Variants in POFUT1 observed in about 807,000 individuals in gnomAD.
POFUT1 encodes protein O-fucosyltransferase 1, also known as GDP-fucose protein O-fucosyltransferase 1.
Under a neutral mutation model 42.4 loss-of-function variants are expected in POFUT1, and 16 were observed. That is an observed-to-expected ratio of 0.38 (90% CI 0.26 to 0.57). The LOEUF (loss-of-function observed/expected upper bound fraction) is 0.57, where lower values mean the gene tolerates loss of function less well. Ranked by LOEUF, POFUT1 falls within the 20% of genes least tolerant of loss-of-function variation. POFUT1 has a pLI of 0.71. For synonymous variants in POFUT1, 206 were observed against 205.4 expected (o/e 1.00, Z -0.03); for missense variants, 470 against 504.6 (o/e 0.93, Z 0.66).
chr20:32,222,858 G>T (rs531435897), intron 4 of POFUT1: 2 of 985,404 alleles, frequency 2.0e-6, no homozygotes, highest in Non-Finnish European at 1.2e-6. Context: ...GAATTTGAGC[G>T]CATGGCTTGT....
chr20:32,223,858 T>C, intron 4 of POFUT1: 1 of 209,986 alleles, frequency 4.8e-6, no homozygotes, highest in Non-Finnish European at 8.3e-6. Context: ...GAACATAGGA[T>C]CTGGAGCACA....
intron 6 of POFUT1, 22 bp downstream of exon 6, chr20:32,231,083 G>A (rs2047441441): frequency 6.2e-7 from 1 of 1,613,500 alleles, no homozygotes; most frequent in African/African-American, 1.3e-5. Context: ...CCAAGTGGGA[G>A]TGCAGTAGGA....
intron 4 of POFUT1, chr20:32,223,447 C>T: frequency 1.0e-6 from 1 of 985,332 alleles, no homozygotes; most frequent in Non-Finnish European, 1.2e-6. Context: ...ACACACATTC[C>T]AAGTCTGGAA....
At chr20:32,214,682 G>A (rs1330186810) in intron 2 of POFUT1, among the ~76,000 whole-genome samples, 1 of 152,092 alleles carries the variant, frequency 6.6e-6, no homozygotes, top group East Asian at 1.9e-4. Context: ...GCTGTGAATT[G>A]TTTACCCCTA....
intron 6 of POFUT1, among the ~76,000 whole-genome samples, chr20:32,233,116 G>T (rs1034658545): frequency 6.6e-6 from 1 of 152,222 alleles, no homozygotes; most frequent in Non-Finnish European, 1.5e-5. Context: ...GCCAGCAGTG[G>T]AGAGCAAACC....
intron 4 of POFUT1, chr20:32,223,230 G>A: frequency 5.1e-6 from 5 of 985,444 alleles, no homozygotes; most frequent in Non-Finnish European, 6.0e-6. Flanking sequence ...CCTGACCAAG[G>A]GTGAGCAGTC....
At chr20:32,226,662 T>C (rs1042832495) in intron 4 of POFUT1, among the ~76,000 whole-genome samples, 3 of 152,182 alleles carry the variant, frequency 2.0e-5, no homozygotes, top group African/African-American at 7.2e-5. Flanking sequence ...GCTATTGTTT[T>C]AAAATGTTTA....
At chr20:32,210,398 T>G (rs1190774679) in intron 2 of POFUT1, among the ~76,000 whole-genome samples, 1 of 152,190 alleles carries the variant, frequency 6.6e-6, no homozygotes, top group East Asian at 1.9e-4. Context: ...ATTAGCTCAT[T>G]TCACCCTCAT....
intron 6 of POFUT1, among the ~76,000 whole-genome samples, chr20:32,232,359 G>A (rs1225158212): frequency 1.3e-5 from 2 of 151,960 alleles, no homozygotes; most frequent in Admixed American, 6.6e-5. Flanking sequence ...ATAATTAAGA[G>A]AAAATCAGAG....
intron 4 of POFUT1, chr20:32,222,648 G>A: frequency 1.0e-6 from 1 of 985,416 alleles, no homozygotes; most frequent in Non-Finnish European, 1.2e-6. Context: ...CACGTATCCA[G>A]CTGAAAACTG....
chr20:32,213,177 C>T (rs1341419610), intron 2 of POFUT1, among the ~76,000 whole-genome samples: 1 of 152,104 alleles, frequency 6.6e-6, no homozygotes, highest in African/African-American at 2.4e-5. Flanking sequence ...AAAGTGACCG[C>T]ACCCAGCCAG....
rs1436645292 is a variant in POFUT1 at position 32,238,323 on chromosome 20, C to T, written c.*3662C>T. ...GCTGAGGCAGGAGAATGGCTTGAAC[C>T]TGGGAGGTGGAGGTTGCAGTGAGCC... On this transcript the variant is annotated 3_prime_UTR_variant, in exon 7 of 7. Coordinates refer to ENST00000375749, the MANE Select transcript of POFUT1 (RefSeq NM_015352.2). 1.3e-5 allele frequency: 2 copies of T among 155,096 alleles called. No homozygotes were observed. The highest frequency in any genetic ancestry group is 4.8e-5 in the African/African-American group (2 of 41,474). 9.6% of individuals were successfully genotyped at this position (155,096 alleles called of 1,614,324 possible). A position where few individuals can be genotyped will look rare whatever the true frequency, so the allele number is the denominator to read the frequency against.
chr20:32,228,577 G>A, intron 5 of POFUT1, 122 bp downstream of exon 5: 3 of 825,854 alleles, frequency 3.6e-6, no homozygotes, highest in Non-Finnish European at 5.6e-6. Flanking sequence ...TCTGGTTCGT[G>A]GGATTGTGTC....
intron 4 of POFUT1, among the ~76,000 whole-genome samples, chr20:32,219,719 G>A (rs958851569): frequency 1.4e-4 from 22 of 151,816 alleles, no homozygotes; most frequent in African/African-American, 4.4e-4. Flanking sequence ...GGATGGTCTC[G>A]ATCTCTTGCC....
chr20:32,208,839 ACAAG>A lies in POFUT1; in HGVS notation c.124+778_124+781del, dbSNP rs1287987802. Among the ~76,000 whole-genome samples the A allele has an allele frequency of 5.3e-5, 8 of 152,286 alleles. No individual in the cohort carries two copies. The East Asian group carries it at 1.5e-3, about 29-fold the overall frequency. ...TGACAGAGTGAGACCCTGTCTCGAA[ACAAG>A]CAAACCCAAAAAGGGGTAAACATAA... On this transcript the variant is annotated intron_variant, in intron 1 of 6. Coordinates refer to ENST00000375749, the MANE Select transcript of POFUT1 (RefSeq NM_015352.2).
In POFUT1 at chr20:32,228,218, C is replaced by T. The variant is rs752662200; in HGVS notation, c.543-45C>T. On this transcript the variant is annotated intron_variant, in intron 4 of 6. Transcript: ENST00000375749. ...TTTTCCCGTGGGGGTGGCAGCCAGG[C>T]TCTCTGTGCGTCCTCTGACTTCCCT... is the stretch of plus-strand genomic sequence containing the variant. 3 of 1,536,740 alleles carry T rather than the reference C, an allele frequency of 2.0e-6. No homozygotes were observed. In the East Asian group the frequency reaches 6.8e-5, roughly 35 times the overall value.
chr20:32,208,182 G>A, intron 1 of POFUT1, 117 bp downstream of exon 1: 5 of 1,060,658 alleles, frequency 4.7e-6, no homozygotes, highest in Non-Finnish European at 6.8e-6. Flanking sequence ...CTCAGAGCGG[G>A]ACGGGGCATG....
At chr20:32,209,304 C>T (rs555952751) in intron 1 of POFUT1, among the ~76,000 whole-genome samples, 47 of 152,350 alleles carry the variant, frequency 3.1e-4, no homozygotes, top group African/African-American at 1.1e-3. Context: ...CCCAAGTAAT[C>T]TCCTCATTAC....
At chr20:32,224,959 A>C (rs1459270441) in intron 4 of POFUT1, among the ~76,000 whole-genome samples, 1 of 152,200 alleles carries the variant, frequency 6.6e-6, no homozygotes, top group African/African-American at 2.4e-5. Flanking sequence ...TGTAACCTTT[A>C]ACTAGGTTAC....
Sources: allele counts gnomAD v4.1 joint callset (sites outside exome capture counted in the v4.1 genomes callset), GRCh38; gene constraint gnomAD v4.1.1; transcripts MANE v1.5; gene names NCBI Gene and HGNC (gene_info 2026-07-23, HGNC 2026-07-21).